The following ALG1L2 variants were observed in gnomAD, a reference collection of about 807,000 sequenced individuals.
The protein encoded by ALG1L2 is ALG1 chitobiosyldiphosphodolichol beta-mannosyltransferase like 2.
ALG1L2 carries 32 observed loss-of-function variants against 29.0 expected under a neutral mutation model. The ratio of observed to expected loss-of-function variants is 1.10; its 90% CI spans 0.83 to 1.48. The LOEUF is 1.48. Among genes scored for constraint, ALG1L2 ranks in the 40% most tolerant of loss-of-function variants. ALG1L2 has a pLI of 0.00. For missense variants in ALG1L2, 318 were observed against 274.1 expected (o/e 1.16, Z -1.13); for synonymous variants, 110 against 109.5 (o/e 1.00, Z -0.03).
chr3:130,095,661 T>G (rs6766577), intron 5 of ALG1L2, among the ~76,000 whole-genome samples: 91,976 of 150,442 alleles, frequency 0.61, 28,831 homozygotes, highest in Middle Eastern at 0.75. Flanking sequence ...AGGCTGGTCT[T>G]GAACTCCTGA....
At chr3:130,093,690 C>A (rs183262309) in intron 4 of ALG1L2, among the ~76,000 whole-genome samples, 3 of 152,126 alleles carry the variant, frequency 2.0e-5, no homozygotes, top group Non-Finnish European at 4.4e-5. Context: ...TCCCAATATG[C>A]TGAAATTATA....
chr3:130,096,032 C>G lies in ALG1L2; in HGVS notation c.425-17C>G, dbSNP rs574078758. The G allele has an allele frequency of 3.1e-6, 5 of 1,602,722 alleles. No homozygotes were observed. Among genetic ancestry groups the G allele is most frequent in the Non-Finnish European group, 4.3e-6 (5 of 1,174,622 alleles). On this transcript the variant is annotated splice_polypyrimidine_tract_variant and intron_variant, in intron 5 of 7. Transcript: ENST00000425059. Reference sequence around the variant, plus strand: ...GGCAGAGACCAGCGCTCTGGCCACACCCCTCTTGCCTAGCAGGGTCGGTGG... The same window carrying G: ...GGCAGAGACCAGCGCTCTGGCCACAGCCCTCTTGCCTAGCAGGGTCGGTGG...
chr3:130,084,299 C>CCCA (rs376123466), intron 1 of ALG1L2, among the ~76,000 whole-genome samples: 1 of 145,714 alleles, frequency 6.9e-6, no homozygotes, highest in Non-Finnish European at 1.5e-5. Context: ...TTCCCCCCCT[C>CCCA]AAAAAAAATT....
intron 1 of ALG1L2, 90 bp from the exon 2 acceptor site, chr3:130,091,171 C>G: frequency 3.3e-6 from 4 of 1,217,480 alleles, no homozygotes; most frequent in Non-Finnish European, 4.7e-6. Flanking sequence ...GGATGGGTGA[C>G]GTTGGGCATG....
At chr3:130,094,860 G>A (rs1293304172) in intron 5 of ALG1L2, among the ~76,000 whole-genome samples, 1 of 152,224 alleles carries the variant, frequency 6.6e-6, no homozygotes, top group Admixed American at 6.5e-5. Flanking sequence ...CAGGGACGAT[G>A]AGTCAGACAG....
At chr3:130,087,417 C>T (rs1194580536) in intron 1 of ALG1L2, among the ~76,000 whole-genome samples, 4 of 149,626 alleles carry the variant, frequency 2.7e-5, no homozygotes, top group African/African-American at 9.7e-5. Flanking sequence ...AGAGACACAA[C>T]AACTGAAAAT....
intron 5 of ALG1L2, among the ~76,000 whole-genome samples, chr3:130,095,436 A>ATTATTG (rs1449335930): frequency 7.3e-6 from 1 of 136,380 alleles, no homozygotes; most frequent in Non-Finnish European, 1.7e-5. Flanking sequence ...TATTATTATT[A>ATTATTG]TTATTATTAT....
intron 4 of ALG1L2, 112 bp from the exon 5 acceptor site, chr3:130,094,291 G>C: frequency 1.5e-6 from 2 of 1,362,128 alleles, no homozygotes; most frequent in South Asian, 1.2e-5. Context: ...CAGCTGCCGA[G>C]GGGTGGAGCT....
intron 4 of ALG1L2, among the ~76,000 whole-genome samples, chr3:130,093,582 C>A (rs1935065889): frequency 6.6e-6 from 1 of 151,938 alleles, no homozygotes; most frequent in African/African-American, 2.4e-5. Context: ...GCCCACCACA[C>A]CCAGCTTATT....
intron 5 of ALG1L2, 83 bp downstream of exon 5, chr3:130,094,596 A>T (rs1339555054): frequency 3.6e-5 from 51 of 1,433,556 alleles, no homozygotes; most frequent in Non-Finnish European, 4.7e-5. Context: ...CCTTTTCTGA[A>T]AAGGTGGCTC....
chr3:130,091,245 C>T lies in ALG1L2; in HGVS notation c.21-16C>T, dbSNP rs1176070999. The T allele has an allele frequency of 1.9e-6, 3 of 1,590,238 alleles. No individual in the cohort carries two copies. Among genetic ancestry groups the T allele is most frequent in the Non-Finnish European group, 2.6e-6 (3 of 1,172,182 alleles). On this transcript the variant is annotated splice_polypyrimidine_tract_variant and intron_variant, in intron 1 of 7. Transcript: ENST00000425059. Reference sequence around the variant, plus strand: ...TGCTGGACTAATGCAATAGCCCTGCCATGATTTCATTGCAGGGCTGTGACC... The same window carrying T: ...TGCTGGACTAATGCAATAGCCCTGCTATGATTTCATTGCAGGGCTGTGACC...
chr3:130,096,047 A>T lies in ALG1L2; in HGVS notation c.425-2A>T, dbSNP rs1426641853. 2 of 1,609,166 alleles carry T rather than the reference A, an allele frequency of 1.2e-6. No individual in the cohort carries two copies. The highest frequency in any genetic ancestry group is 1.7e-6 in the Non-Finnish European group (2 of 1,178,546). On this transcript the variant is annotated splice_acceptor_variant, in intron 5 of 7. Transcript: ENST00000425059. LOFTEE classifies it high-confidence loss of function. The stretch of plus-strand genomic sequence containing the variant: ...TCTGGCCACACCCCTCTTGCCTAGC[A>T]GGGTCGGTGGACCTGGATGTCTGTC...
chr3:130,092,360 G>A, intron 3 of ALG1L2, 138 bp downstream of exon 3: 1 of 1,599,920 alleles, frequency 6.3e-7, no homozygotes, highest in Non-Finnish European at 8.5e-7. Flanking sequence ...TGAGCTGGAA[G>A]AGTGGTGTCT....
intron 3 of ALG1L2, among the ~76,000 whole-genome samples, 187 bp downstream of exon 3, chr3:130,092,409 A>C (rs908476241): frequency 6.6e-6 from 1 of 152,194 alleles, no homozygotes; most frequent in Non-Finnish European, 1.5e-5. Context: ...CTCATAGAGG[A>C]CGAAGACTTC....
intron 1 of ALG1L2, among the ~76,000 whole-genome samples, chr3:130,088,810 C>A (rs1934948919): frequency 6.6e-6 from 1 of 152,300 alleles, no homozygotes; most frequent in Non-Finnish European, 1.5e-5. Flanking sequence ...CCACCTTCTG[C>A]CATAATCATG....
chr3:130,092,752 T>C (rs1935044777), intron 3 of ALG1L2, among the ~76,000 whole-genome samples: 1 of 152,140 alleles, frequency 6.6e-6, no homozygotes, highest in Non-Finnish European at 1.5e-5. Context: ...TTTTTCTGAA[T>C]GGGCATGGTG....
At chr3:130,085,083 C>T (rs1240934189) in intron 1 of ALG1L2, among the ~76,000 whole-genome samples, 3 of 128,348 alleles carry the variant, frequency 2.3e-5, no homozygotes, top group South Asian at 2.5e-4. Flanking sequence ...CTCAGCCTCC[C>T]GAGTAGCTGG....
intron 5 of ALG1L2, among the ~76,000 whole-genome samples, chr3:130,094,745 C>T (rs774313694): frequency 1.1e-4 from 17 of 152,212 alleles, no homozygotes; most frequent in Non-Finnish European, 2.4e-4. Context: ...GTCCTTTCAG[C>T]CTGCCACGCC....
intron 1 of ALG1L2, among the ~76,000 whole-genome samples, chr3:130,088,665 A>T (rs1394854730): frequency 6.6e-6 from 1 of 152,288 alleles, no homozygotes. Flanking sequence ...TGATCCACGC[A>T]CCTTGGCTTC....
Sources: gnomAD v4.1 joint callset for allele counts (sites outside exome capture counted in the v4.1 genomes callset) on GRCh38, gnomAD v4.1.1 for gene constraint, MANE v1.5 for transcripts, NCBI Gene and HGNC (gene_info 2026-07-23, HGNC 2026-07-21) for gene names.